The following ANGPT2 variants were observed in gnomAD, a reference collection of about 807,000 sequenced individuals.
ANGPT2 encodes angiopoietin 2.
In ANGPT2, 28 loss-of-function variants were observed where a neutral mutation model predicts 62.9. The observed-to-expected ratio is 0.44, with a 90% CI of 0.33 to 0.61. ANGPT2 has a LOEUF of 0.61. Among genes scored for constraint, ANGPT2 ranks in the 20% least tolerant of loss-of-function variants. The probability of loss-of-function intolerance (pLI) is 0.03; values close to 1 mark genes in which losing one functional copy is unlikely to be tolerated. For missense variants in ANGPT2, 727 were observed against 594.9 expected, an observed-to-expected ratio of 1.22 and a Z score of -2.31; for synonymous variants, 284 against 207.8, an observed-to-expected ratio of 1.37 and a Z score of -3.15.
At chr8:6,562,548 CCTT>C in intron 1 of ANGPT2, 96 bp downstream of exon 1, 1 of 102,690 alleles carries the variant, frequency 9.7e-6, no homozygotes, top group Non-Finnish European at 1.8e-5. Flanking sequence ...TCTTCATCCT[CCTT>C]CTTTTTTTTT....
Position 6,521,230 on chromosome 8 carries a change from A to G in ANGPT2, c.747T>C (p.His249=), listed in dbSNP as rs1401428943. ...AGTTATTAACTGTCTCCATGAGATC[A>G]TGTTGCTGCTTCTGAAGAACTGAAT... is the stretch of plus-strand genomic sequence containing the variant. ...VNNSVLQKQQ[H]DLMETVNNLL... is the part of the protein sequence containing the mutation. Residue 249 remains histidine, a synonymous_variant, in exon 4 of 9, where the codon CAT becomes CAC. Transcript: ENST00000629816. 2.5e-6 allele frequency: 4 copies of G among 1,613,842 alleles called. No individual in the cohort carries two copies. The highest frequency in any genetic ancestry group is 3.4e-6 in the Non-Finnish European group (4 of 1,179,946).
chr8:6,531,533 C>G (rs1456795634), intron 2 of ANGPT2, among the ~76,000 whole-genome samples: 1 of 152,124 alleles, frequency 6.6e-6, no homozygotes, highest in Non-Finnish European at 1.5e-5. Flanking sequence ...CTCAGGTGAT[C>G]CACCCATCTC....
At chr8:6,558,769 A>C (rs1487411783) in intron 1 of ANGPT2, among the ~76,000 whole-genome samples, 1 of 152,106 alleles carries the variant, frequency 6.6e-6, no homozygotes, top group East Asian at 1.9e-4. Flanking sequence ...ATGTCAGACA[A>C]CCCCATTTAG....
At chr8:6,545,801 C>T (rs1017873799) in intron 1 of ANGPT2, among the ~76,000 whole-genome samples, 2 of 152,150 alleles carry the variant, frequency 1.3e-5, no homozygotes, top group Non-Finnish European at 2.9e-5. Context: ...ATAGTTCTAC[C>T]CATTGCCCAT....
At chr8:6,506,436 A>C (rs1429573515) in intron 8 of ANGPT2, among the ~76,000 whole-genome samples, 1 of 152,024 alleles carries the variant, frequency 6.6e-6, no homozygotes, top group Non-Finnish European at 1.5e-5. Context: ...TGCCTAAGTA[A>C]ATATATTGTT....
intron 1 of ANGPT2, among the ~76,000 whole-genome samples, chr8:6,538,326 G>T (rs564015581): frequency 6.6e-6 from 1 of 152,056 alleles, no homozygotes; most frequent in Non-Finnish European, 1.5e-5. Context: ...TCCCGCCCAG[G>T]GTCCACTGTC....
intron 1 of ANGPT2, among the ~76,000 whole-genome samples, chr8:6,552,979 C>A (rs910262537): frequency 6.6e-6 from 1 of 152,264 alleles, no homozygotes; most frequent in African/African-American, 2.4e-5. Flanking sequence ...GCAGGTAGAG[C>A]ACAGAGGATT....
At chr8:6,535,898 A>G (rs1820394616) in intron 1 of ANGPT2, among the ~76,000 whole-genome samples, 2 of 151,920 alleles carry the variant, frequency 1.3e-5, no homozygotes, top group Non-Finnish European at 2.9e-5. Flanking sequence ...AATACAAAAA[A>G]AAAAAAAAAT....
intron 7 of ANGPT2, 115 bp downstream of exon 7, chr8:6,513,563 G>C (rs1258784139): frequency 1.5e-6 from 1 of 685,004 alleles, no homozygotes. Flanking sequence ...TCAATCTCCT[G>C]ACCTCGTGAT....
intron 1 of ANGPT2, among the ~76,000 whole-genome samples, chr8:6,551,008 CTT>C (rs2129574899): frequency 6.6e-6 from 1 of 152,302 alleles, no homozygotes; most frequent in Admixed American, 6.5e-5. Context: ...ACCCTGTAGA[CTT>C]TTGAAACCAA....
At chr8:6,536,545 A>G (rs1304016106) in intron 1 of ANGPT2, among the ~76,000 whole-genome samples, 1 of 152,210 alleles carries the variant, frequency 6.6e-6, no homozygotes, top group Non-Finnish European at 1.5e-5. Context: ...AGAATTAAAG[A>G]TGACCAATGC....
intron 8 of ANGPT2, among the ~76,000 whole-genome samples, chr8:6,506,415 A>C (rs1813741473): frequency 6.6e-6 from 1 of 152,130 alleles, no homozygotes; most frequent in South Asian, 2.1e-4. Context: ...CTCAGTCCCT[A>C]AATCTTGATT....
chr8:6,535,730 T>A (rs1271899023), intron 1 of ANGPT2, among the ~76,000 whole-genome samples: 1 of 152,084 alleles, frequency 6.6e-6, no homozygotes, highest in Non-Finnish European at 1.5e-5. Context: ...AAATGTGCAG[T>A]AGTAGATATT....
At chr8:6,546,646 A>T (rs1822626531) in intron 1 of ANGPT2, among the ~76,000 whole-genome samples, 1 of 152,214 alleles carries the variant, frequency 6.6e-6, no homozygotes, top group Non-Finnish European at 1.5e-5. Flanking sequence ...AATACAAGCA[A>T]CTGTTGGCCT....
At position 6,502,757 on chromosome 8, in the gene ANGPT2, T is replaced by A. The variant is rs949242887; in HGVS notation, c.*344A>T. The A allele has an allele frequency of 4.0e-5, 12 of 297,578 alleles. No homozygotes were observed. The highest frequency in any genetic ancestry group is 6.4e-5 in the Non-Finnish European group (10 of 156,924). The allele number at this position is 297,578 out of a possible 1,614,324, so 18.4% of individuals were successfully genotyped here. A position where few individuals can be genotyped will look rare whatever the true frequency, so the allele number is the denominator to read the frequency against. The stretch of plus-strand genomic sequence containing the variant: ...GATCTGTATTGTATAACATAAGTGT[T>A]CTGTTTTCCAGTTATTTACTGATAA... On this transcript the variant is annotated 3_prime_UTR_variant, in exon 9 of 9. Coordinates refer to ENST00000629816, the MANE Select transcript of ANGPT2 (RefSeq NM_001118887.2).
At chr8:6,539,221 G>C (rs1821073113) in intron 1 of ANGPT2, among the ~76,000 whole-genome samples, 1 of 152,238 alleles carries the variant, frequency 6.6e-6, no homozygotes, top group South Asian at 2.1e-4. Context: ...AGTGAGAGGT[G>C]ATGTTCACAT....
At chr8:6,503,302 T>C (rs376441724) in intron 8 of ANGPT2, 41 bp from the exon 9 acceptor site, 2 of 1,610,172 alleles carry the variant, frequency 1.2e-6, no homozygotes, top group South Asian at 1.1e-5. Context: ...AACTAGGTGA[T>C]GCCAGCTCCC....
chr8:6,523,801 C>G (rs921122789), intron 3 of ANGPT2, among the ~76,000 whole-genome samples: 1 of 151,648 alleles, frequency 6.6e-6, no homozygotes, highest in African/African-American at 2.4e-5. Flanking sequence ...GTTGTCCAGG[C>G]TGGTCTCGAA....
intron 1 of ANGPT2, among the ~76,000 whole-genome samples, chr8:6,559,230 A>AACACACACACACACACACACACACAC (rs59299448): frequency 8.2e-5 from 12 of 146,836 alleles, no homozygotes; most frequent in East Asian, 6.0e-4. Context: ...CACACACGAC[A>AACACACACACACACACACACACACAC]ACACACACAC....
Sources: allele counts gnomAD v4.1 joint callset (sites outside exome capture counted in the v4.1 genomes callset), GRCh38; gene constraint gnomAD v4.1.1; transcripts MANE v1.5; gene names NCBI Gene and HGNC (gene_info 2026-07-23, HGNC 2026-07-21).